The following ADGRG6 variants were observed in gnomAD, a reference collection of about 807,000 sequenced individuals.
ADGRG6 encodes the protein G-protein coupled receptor 126.
Under a neutral mutation model 142.4 loss-of-function variants are expected in ADGRG6, and 84 were observed. The observed-to-expected ratio is 0.59, with a 90% CI of 0.49 to 0.71. ADGRG6 has a LOEUF of 0.71. ADGRG6 is among the 30% of genes least tolerant of loss of function. ADGRG6 has a pLI of 0.00. For missense variants in ADGRG6, 1,367 were observed against 1,466.6 expected (o/e 0.93, Z 1.11); for synonymous variants, 521 against 520.5 (o/e 1.00, Z -0.01).
At chr6:142,394,806 C>T (rs1488926930) in intron 9 of ADGRG6, among the ~76,000 whole-genome samples, 2 of 151,862 alleles carry the variant, frequency 1.3e-5, no homozygotes, top group Non-Finnish European at 2.9e-5. Flanking sequence ...AGGCTCATCT[C>T]AAACTCCTGG....
rs751539485 is a variant in ADGRG6 at position 142,437,533 on chromosome 6, C to A, written c.3419C>A (p.Ser1140Ter). The change falls in exon 23 of 25, where the codon TCA becomes TAA. Residue 1140 changes from serine to a stop codon, truncating the protein, a stop_gained and splice_region_variant. Coordinates refer to ENST00000367609, the MANE Select transcript of ADGRG6 (RefSeq NM_198569.3). LOFTEE classifies it high-confidence loss of function. ...CCGRFRLADN[S>*]DWSKTATNII... is the part of the protein sequence containing the mutation. Reference sequence around the variant, plus strand: ...GGTAGATTTCGGTTAGCAGATAACTCAGGTAAAGAGTTGTTGATTAAATTT... The same window carrying A: ...GGTAGATTTCGGTTAGCAGATAACTAAGGTAAAGAGTTGTTGATTAAATTT... 5.0e-6 allele frequency: 7 copies of A among 1,401,688 alleles called. No homozygotes were observed. The highest frequency in any genetic ancestry group is 7.1e-6 in the Non-Finnish European group (7 of 986,264). The allele number at this position is 1,401,688 out of a possible 1,614,324, so 86.8% of individuals were successfully genotyped here. A position where few individuals can be genotyped will look rare whatever the true frequency, so the allele number is the denominator to read the frequency against.
At chr6:142,406,796 G>A (rs1173522769) in intron 15 of ADGRG6, among the ~76,000 whole-genome samples, 1 of 152,096 alleles carries the variant, frequency 6.6e-6, no homozygotes, top group Non-Finnish European at 1.5e-5. Context: ...ATGTACAACT[G>A]CAGTTTTAAA....
chr6:142,338,027 T>TGTTTTTTTTTTTTG lies in ADGRG6; in HGVS notation c.103+28383_103+28384insGTTTTTTTTTTTTG, dbSNP rs1554234628. Among the ~76,000 whole-genome samples, 6 of 58,002 alleles carry TGTTTTTTTTTTTTG rather than the reference T, an allele frequency of 1.0e-4. 1 individual carries two copies. Among genetic ancestry groups the TGTTTTTTTTTTTTG allele is most frequent in the African/African-American group, 2.2e-4 (4 of 17,906 alleles). The allele number at this position is 58,002 out of a possible 152,430, so 38.1% of individuals were successfully genotyped here. A position where few individuals can be genotyped will look rare whatever the true frequency, so the allele number is the denominator to read the frequency against. The stretch of plus-strand genomic sequence containing the variant: ...ATGCCTTGTATCTTTGTTTTTTTTT[T>TGTTTTTTTTTTTTG]TTTTTTTTTTTGAGACGGAGTCTCG... On this transcript the variant is annotated intron_variant, in intron 2 of 24. Transcript: ENST00000367609.
chr6:142,306,844 CTTAAT>C (rs1033834120), intron 1 of ADGRG6, among the ~76,000 whole-genome samples: 1 of 152,058 alleles, frequency 6.6e-6, no homozygotes, highest in Non-Finnish European at 1.5e-5. Flanking sequence ...CTGTTCTATT[CTTAAT>C]TTATTTGTTT....
chr6:142,367,926 G>C lies in ADGRG6; in HGVS notation c.445+16G>C. Reference sequence around the variant, plus strand: ...TACATCAGAGGTATGTAAACCAAAGGCAACGCCAACCTTCTGCTTTTATTT... The same window carrying C: ...TACATCAGAGGTATGTAAACCAAAGCCAACGCCAACCTTCTGCTTTTATTT... On this transcript the variant is annotated intron_variant, in intron 3 of 24. Transcript: ENST00000367609. 1 of 1,435,970 alleles carries C rather than the reference G, an allele frequency of 7.0e-7. No homozygotes were observed. The highest frequency in any genetic ancestry group is 1.4e-5 in the African/African-American group (1 of 71,146). The allele number at this position is 1,435,970 out of a possible 1,614,324, so 89.0% of individuals were successfully genotyped here.
chr6:142,395,063 G>A (rs1775102678), intron 9 of ADGRG6, among the ~76,000 whole-genome samples: 1 of 152,076 alleles, frequency 6.6e-6, no homozygotes. Flanking sequence ...TATGAGAATT[G>A]ACCAGAGAGC....
intron 18 of ADGRG6, among the ~76,000 whole-genome samples, chr6:142,413,408 G>T (rs1776192707): frequency 6.6e-6 from 1 of 152,100 alleles, no homozygotes; most frequent in Non-Finnish European, 1.5e-5. Flanking sequence ...CTTTCATGAA[G>T]ATTAGTACAT....
At chr6:142,321,286 TACACAC>T (rs10632214) in intron 2 of ADGRG6, among the ~76,000 whole-genome samples, 20 of 147,884 alleles carry the variant, frequency 1.4e-4, no homozygotes, top group Non-Finnish European at 9.0e-5. Context: ...TAAGCATGCA[TACACAC>T]ACACACACAC....
Position 142,321,421 on chromosome 6 carries a change from T to C in ADGRG6, c.103+11777T>C, listed in dbSNP as rs142676938. On this transcript the variant is annotated intron_variant, in intron 2 of 24. Coordinates refer to ENST00000367609, the MANE Select transcript of ADGRG6 (RefSeq NM_198569.3). ...AATTTTACACCACCATTATTTATAA[T>C]AGCCACAAAGTGGAAAAGAAAAATC... is the stretch of plus-strand genomic sequence containing the variant. 1.2e-3 allele frequency among the ~76,000 whole-genome samples: 184 copies of C among 152,080 alleles called. 6 individuals carry two copies. The East Asian group carries it at 0.035, about 29-fold the overall frequency.
intron 18 of ADGRG6, among the ~76,000 whole-genome samples, chr6:142,414,470 C>CTTT (rs1776252634): frequency 1.3e-5 from 2 of 152,208 alleles, no homozygotes; most frequent in Non-Finnish European, 2.9e-5. Flanking sequence ...AGCCTCCGCA[C>CTTT]CACCCTTAGA....
chr6:142,440,943 G>T, intron 24 of ADGRG6: 1 of 1,491,430 alleles, frequency 6.7e-7, no homozygotes, highest in Non-Finnish European at 9.0e-7. Context: ...CAACAAAAGT[G>T]GATCACTCAG....
chr6:142,341,741 T>G (rs1779669348), intron 2 of ADGRG6, among the ~76,000 whole-genome samples: 2 of 146,760 alleles, frequency 1.4e-5, no homozygotes, highest in Non-Finnish European at 1.5e-5. Context: ...TGAGTAACTA[T>G]GCAGACTTGG....
At chr6:142,334,686 T>A (rs1050593464) in intron 2 of ADGRG6, among the ~76,000 whole-genome samples, 1 of 152,188 alleles carries the variant, frequency 6.6e-6, no homozygotes, top group African/African-American at 2.4e-5. Context: ...GGTCAGAGTT[T>A]GAATCGGGTG....
chr6:142,306,699 T>C (rs927331142), intron 1 of ADGRG6, among the ~76,000 whole-genome samples: 1 of 152,272 alleles, frequency 6.6e-6, no homozygotes, highest in East Asian at 1.9e-4. Context: ...GTGTGTTTTT[T>C]TTCCTTGTAG....
intron 2 of ADGRG6, among the ~76,000 whole-genome samples, chr6:142,327,322 C>G (rs773180431): frequency 1.1e-4 from 16 of 151,902 alleles, no homozygotes; most frequent in Non-Finnish European, 2.2e-4. Context: ...ATAACAGCAA[C>G]TTTCTGTGTA....
intron 7 of ADGRG6, among the ~76,000 whole-genome samples, chr6:142,392,253 C>T (rs1447409755): frequency 6.6e-6 from 1 of 151,832 alleles, no homozygotes; most frequent in Non-Finnish European, 1.5e-5. Flanking sequence ...TCTCTCATGT[C>T]AGTGAGGGAA....
intron 2 of ADGRG6, among the ~76,000 whole-genome samples, chr6:142,343,510 A>G (rs556910549): frequency 5.9e-5 from 9 of 151,958 alleles, no homozygotes; most frequent in African/African-American, 2.2e-4. Context: ...TAAGAAACAT[A>G]AAAAGATAAA....
chr6:142,414,646 A>G (rs1035247314), intron 18 of ADGRG6, among the ~76,000 whole-genome samples: 6 of 152,142 alleles, frequency 3.9e-5, no homozygotes, highest in African/African-American at 1.2e-4. Context: ...TTTATTATGC[A>G]AGGCAACCGT....
At chr6:142,352,128 G>A (rs1780214907) in intron 2 of ADGRG6, among the ~76,000 whole-genome samples, 1 of 152,114 alleles carries the variant, frequency 6.6e-6, no homozygotes, top group African/African-American at 2.4e-5. Flanking sequence ...ATACCCAAAG[G>A]AAAATAAATC....
Sources: allele counts gnomAD v4.1 joint callset (sites outside exome capture counted in the v4.1 genomes callset), GRCh38; gene constraint gnomAD v4.1.1; transcripts MANE v1.5; gene names NCBI Gene and HGNC (gene_info 2026-07-23, HGNC 2026-07-21).